Variants in PRH1 observed in about 807,000 individuals in gnomAD.
The protein encoded by PRH1 is proline rich protein HaeIII subfamily 1.
PRH1 carries 7 observed loss-of-function variants against 7.9 expected under a neutral mutation model. The observed-to-expected ratio is 0.89, with a 90% CI of 0.50 to 1.67. The LOEUF is 1.67. Ranked by LOEUF, PRH1 falls within the 40% of genes most tolerant of loss-of-function variation. The pLI is 0.00. For missense variants in PRH1, 109 were observed against 223.6 expected (o/e 0.49, Z 3.27); for synonymous variants, 45 against 80.8 (o/e 0.56, Z 2.38).
At chr12:10,923,840 A>C (rs1950085735) in intron 2 of PRH1, among the ~76,000 whole-genome samples, 2 of 152,182 alleles carry the variant, frequency 1.3e-5, no homozygotes, top group African/African-American at 4.8e-5. Context: ...TTGATAGATC[A>C]AGCAAATTTA....
At chr12:10,911,219 A>G (rs891435365) in intron 2 of PRH1, among the ~76,000 whole-genome samples, 1 of 152,100 alleles carries the variant, frequency 6.6e-6, no homozygotes, top group African/African-American at 2.4e-5. Flanking sequence ...TAATACCCCA[A>G]ATCTGTACAA....
At chr12:10,993,106 A>C (rs1591780496) in intron 1 of PRH1, among the ~76,000 whole-genome samples, 1 of 152,366 alleles carries the variant, frequency 6.6e-6, no homozygotes, top group Middle Eastern at 3.4e-3. Flanking sequence ...AATGCACATT[A>C]GCATAAACTT....
At chr12:11,071,390 A>ACC (rs1271932940) in intron 1 of PRH1, among the ~76,000 whole-genome samples, 1 of 152,160 alleles carries the variant, frequency 6.6e-6, no homozygotes, top group African/African-American at 2.4e-5. Flanking sequence ...TATAAAATAA[A>ACC]AAAAAGACCT....
intron 1 of PRH1, among the ~76,000 whole-genome samples, chr12:11,007,560 C>T (rs1486690855): frequency 1.3e-5 from 2 of 152,040 alleles, no homozygotes; most frequent in Admixed American, 6.6e-5. Flanking sequence ...TCTTGACTCC[C>T]TCATCCTTTG....
At chr12:10,997,853 A>AC in intron 1 of PRH1, 2 of 1,602,312 alleles carry the variant, frequency 1.2e-6, no homozygotes, top group Non-Finnish European at 1.7e-6. Flanking sequence ...AATGGAAAAA[A>AC]CAATGTGTAG....
intron 2 of PRH1, among the ~76,000 whole-genome samples, chr12:10,901,663 C>T (rs1199992918): frequency 6.6e-6 from 1 of 152,096 alleles, no homozygotes; most frequent in Non-Finnish European, 1.5e-5. Flanking sequence ...TGGCTCTTAC[C>T]TATAAGTGCC....
rs570955647 is a variant in PRH1 at position 10,925,262 on chromosome 12, C to T, written c.-58-40987G>A. 1.3e-3 allele frequency among the ~76,000 whole-genome samples: 204 copies of T among 152,208 alleles called. 2 individuals carry two copies. Among genetic ancestry groups the T allele is most frequent in the Non-Finnish European group, 2.3e-3 (157 of 68,006 alleles). On this transcript the variant is annotated intron_variant, in intron 2 of 3. Transcript: ENST00000539853. Reference sequence around the variant, plus strand: ...CACCTTAGTAATAATATCAATGACCCGGACCTGTTTTGGTAACACCAGCTC... The same window carrying T: ...CACCTTAGTAATAATATCAATGACCTGGACCTGTTTTGGTAACACCAGCTC...
At chr12:11,033,049 T>C (rs7134148) in intron 1 of PRH1, among the ~76,000 whole-genome samples, 66,657 of 151,928 alleles carry the variant, frequency 0.44, 15,436 homozygotes, top group Non-Finnish European at 0.51. Context: ...CTCCAAGATG[T>C]AGAATTTGGC....
intron 1 of PRH1, among the ~76,000 whole-genome samples, chr12:11,014,079 C>T (rs993419369): frequency 1.3e-5 from 2 of 152,170 alleles, no homozygotes; most frequent in African/African-American, 4.8e-5. Flanking sequence ...AAAATATTTA[C>T]ATAATGTGCT....
upstream of PRH1, chr12:10,884,352 C>T (rs1949457734): frequency 1.9e-6 from 2 of 1,042,918 alleles, no homozygotes; most frequent in East Asian, 2.5e-5. Context: ...AGACTGGCTT[C>T]TGCTTTGCTT....
At chr12:11,049,486 C>T (rs74712618), upstream of PRH1, among the ~76,000 whole-genome samples, 2 of 60,568 alleles carry the variant, frequency 3.3e-5, no homozygotes, top group Non-Finnish European at 9.1e-5. Context: ...CAAAACAGCT[C>T]AAATTCACTC....
intron 2 of PRH1, among the ~76,000 whole-genome samples, chr12:10,963,573 G>A (rs1938358772): frequency 6.6e-6 from 1 of 151,996 alleles, no homozygotes; most frequent in Admixed American, 6.6e-5. Context: ...GGAAATATTT[G>A]GTATCCGATC....
chr12:11,023,443 CATTA>C (rs945574910), intron 1 of PRH1, among the ~76,000 whole-genome samples: 1 of 151,618 alleles, frequency 6.6e-6, no homozygotes, highest in African/African-American at 2.4e-5. Context: ...TTTGTTTAAA[CATTA>C]ATTATTTAAT....
At chr12:10,908,986 T>A (rs1419716432) in intron 2 of PRH1, 3 of 1,613,780 alleles carry the variant, frequency 1.9e-6, no homozygotes, top group Non-Finnish European at 1.7e-6. Flanking sequence ...AAATAAAAGA[T>A]GCTGAAGATT....
chr12:10,969,934 G>A (rs1169110429), intron 2 of PRH1, among the ~76,000 whole-genome samples: 1 of 152,100 alleles, frequency 6.6e-6, no homozygotes, highest in Non-Finnish European at 1.5e-5. Flanking sequence ...CTGAGTAGCT[G>A]GGATTAAAGG....
At chr12:11,066,159 G>T (rs1943800330) in intron 1 of PRH1, among the ~76,000 whole-genome samples, 1 of 151,186 alleles carries the variant, frequency 6.6e-6, no homozygotes, top group Non-Finnish European at 1.5e-5. Context: ...ACTGAATCTG[G>T]TGTTTCTAAA....
At chr12:11,065,540 T>A (rs1478583219) in intron 1 of PRH1, among the ~76,000 whole-genome samples, 1 of 152,196 alleles carries the variant, frequency 6.6e-6, no homozygotes, top group Non-Finnish European at 1.5e-5. Context: ...TCCAATTCAC[T>A]AATTCTTTCT....
At chr12:10,901,946 TA>T in intron 2 of PRH1, among the ~76,000 whole-genome samples, 1 of 151,940 alleles carries the variant, frequency 6.6e-6, no homozygotes, top group Non-Finnish European at 1.5e-5. Context: ...TCTACCACCA[TA>T]AAAAAAGTGA....
chr12:10,911,907 C>G (rs965483011), intron 2 of PRH1, among the ~76,000 whole-genome samples: 14 of 152,222 alleles, frequency 9.2e-5, no homozygotes, highest in Non-Finnish European at 1.8e-4. Context: ...ATCTTCATTC[C>G]AGAAGTAACA....
Sources: gnomAD v4.1 joint callset for allele counts (sites outside exome capture counted in the v4.1 genomes callset) on GRCh38, gnomAD v4.1.1 for gene constraint, MANE v1.5 for transcripts, NCBI Gene and HGNC (gene_info 2026-07-23, HGNC 2026-07-21) for gene names.